Variants in SAMTOR observed in about 807,000 individuals in gnomAD.
SAMTOR encodes UPF0532 protein C7orf60.
At chr7:112,916,940 G>A in the SAMTOR span, among the ~76,000 whole-genome samples, 2 of 152,212 alleles carry the variant, frequency 1.3e-5, no homozygotes, top group African/African-American at 2.4e-5. Context: ...AAGCAGCAGG[G>A]AAGCTCGAAC....
chr7:112,886,946 A>C, the SAMTOR span, among the ~76,000 whole-genome samples: 3 of 152,130 alleles, frequency 2.0e-5, no homozygotes, highest in African/African-American at 7.2e-5. Context: ...AAGGCAGATC[A>C]CGAGGTCAGA....
chr7:112,891,214 C>T, the SAMTOR span, among the ~76,000 whole-genome samples: 8 of 152,040 alleles, frequency 5.3e-5, no homozygotes, highest in Non-Finnish European at 1.0e-4. Flanking sequence ...TTAAGAATGT[C>T]CATAACACAT....
At chr7:112,862,195 T>C in the SAMTOR span, among the ~76,000 whole-genome samples, 1 of 152,108 alleles carries the variant, frequency 6.6e-6, no homozygotes, top group Non-Finnish European at 1.5e-5. Context: ...GTGGAGGTTG[T>C]GGTAAGCTAG....
At chr7:112,852,583 A>T in the SAMTOR span, among the ~76,000 whole-genome samples, 9 of 152,044 alleles carry the variant, frequency 5.9e-5, no homozygotes, top group Non-Finnish European at 1.2e-4. Context: ...TGTACTCCCC[A>T]AATCTATTCA....
chr7:112,905,884 A>G, the SAMTOR span, among the ~76,000 whole-genome samples: 5 of 152,186 alleles, frequency 3.3e-5, no homozygotes, highest in Non-Finnish European at 7.4e-5. Flanking sequence ...CGTAATAGAC[A>G]AGAGAAAAAG....
the SAMTOR span, among the ~76,000 whole-genome samples, chr7:112,839,435 C>G: frequency 3.9e-4 from 59 of 151,970 alleles, no homozygotes; most frequent in Middle Eastern, 0.017. Context: ...AAAACAGAAA[C>G]TTCACTTGGT....
the SAMTOR span, among the ~76,000 whole-genome samples, chr7:112,859,853 G>A: frequency 2.6e-5 from 4 of 152,104 alleles, no homozygotes; most frequent in African/African-American, 7.2e-5. Context: ...AACAGAGTAA[G>A]CTACGATTGA....
chr7:112,937,789 G>C, the SAMTOR span, among the ~76,000 whole-genome samples: 1 of 148,020 alleles, frequency 6.8e-6, no homozygotes, highest in African/African-American at 2.5e-5. Flanking sequence ...ATTCACTTAT[G>C]AACTCCATGT....
the SAMTOR span, among the ~76,000 whole-genome samples, chr7:112,854,148 T>C: frequency 2.6e-5 from 4 of 152,022 alleles, no homozygotes; most frequent in African/African-American, 7.2e-5. Context: ...CAGAAAAAAA[T>C]AGTTAGAAAA....
At chr7:112,822,269 A>G in the SAMTOR span, 3 of 1,613,574 alleles carry the variant, frequency 1.9e-6, no homozygotes, top group Non-Finnish European at 2.5e-6. Context: ...CAGGAAGAGA[A>G]TCAATAGGGT....
chr7:112,820,916 G>C, the SAMTOR span: 3 of 152,158 alleles, frequency 2.0e-5, no homozygotes, highest in Non-Finnish European at 4.4e-5. Context: ...AGGTGTTTTA[G>C]GTCATTATTG....
At chr7:112,911,416 G>A in the SAMTOR span, among the ~76,000 whole-genome samples, 1 of 152,114 alleles carries the variant, frequency 6.6e-6, no homozygotes, top group African/African-American at 2.4e-5. Context: ...TGGTATCAAA[G>A]TGTTCAGTCT....
the SAMTOR span, among the ~76,000 whole-genome samples, chr7:112,933,010 T>A: frequency 6.6e-6 from 1 of 152,088 alleles, no homozygotes; most frequent in African/African-American, 2.4e-5. Context: ...TTTAGAAAAT[T>A]TTACTTGAAT....
chr7:112,868,102 T>C, the SAMTOR span, among the ~76,000 whole-genome samples: 1 of 152,036 alleles, frequency 6.6e-6, no homozygotes, highest in Non-Finnish European at 1.5e-5. Context: ...CATGGAAAAA[T>C]TGTCTTCCAC....
the SAMTOR span, among the ~76,000 whole-genome samples, chr7:112,903,444 A>G: frequency 6.9e-6 from 1 of 143,968 alleles, no homozygotes; most frequent in Non-Finnish European, 1.5e-5. Context: ...TCCTGGATTG[A>G]AAAAAAAAAA....
the SAMTOR span, among the ~76,000 whole-genome samples, chr7:112,869,310 C>T: frequency 6.6e-6 from 1 of 152,138 alleles, no homozygotes; most frequent in Non-Finnish European, 1.5e-5. Context: ...ACCAGTGGCA[C>T]TGGCGGGATA....
chr7:112,900,432 T>C, the SAMTOR span, among the ~76,000 whole-genome samples: 6 of 152,232 alleles, frequency 3.9e-5, no homozygotes, highest in African/African-American at 1.4e-4. Context: ...GAGGGCAATC[T>C]GCTTTACTCA....
At chr7:112,906,569 A>AT in the SAMTOR span, among the ~76,000 whole-genome samples, 3,860 of 88,376 alleles carry the variant, frequency 0.044, 176 homozygotes, top group African/African-American at 0.12. Context: ...ATGGAAAGAC[A>AT]TATCTTTTTT....
the SAMTOR span, among the ~76,000 whole-genome samples, chr7:112,937,096 G>A: frequency 2.0e-5 from 3 of 152,122 alleles, no homozygotes; most frequent in Non-Finnish European, 4.4e-5. Context: ...TCTAATATCT[G>A]GCTGACAATT....
Sources: allele counts gnomAD v4.1 joint callset (sites outside exome capture counted in the v4.1 genomes callset), GRCh38; gene constraint gnomAD v4.1.1; transcripts MANE v1.5; gene names NCBI Gene and HGNC (gene_info 2026-07-23, HGNC 2026-07-21).